CENPC: variants seen among roughly 807,000 people sequenced by gnomAD.
The protein encoded by CENPC is CENP-C 1.
CENPC carries 63 observed loss-of-function variants against 112.1 expected under a neutral mutation model. The observed-to-expected ratio is 0.56, with a 90% CI of 0.46 to 0.69. The LOEUF (loss-of-function observed/expected upper bound fraction) is 0.69. Ranked by LOEUF, CENPC falls within the 30% of genes least tolerant of loss-of-function variation. CENPC has a pLI of 0.00. For synonymous variants in CENPC, 333 were observed against 367.6 expected, an observed-to-expected ratio of 0.91 and a Z score of 1.08; for missense variants, 1,000 against 1,103.8, an observed-to-expected ratio of 0.91 and a Z score of 1.33.
intron 12 of CENPC, among the ~76,000 whole-genome samples, chr4:67,504,621 A>G (rs1363026936): frequency 6.6e-6 from 1 of 152,090 alleles, no homozygotes; most frequent in Non-Finnish European, 1.5e-5. Context: ...GGAGTTTAAG[A>G]CCAGCCTGGC....
At chr4:67,487,554 T>C (rs1050277278) in intron 17 of CENPC, among the ~76,000 whole-genome samples, 15 of 151,728 alleles carry the variant, frequency 9.9e-5, no homozygotes, top group African/African-American at 3.7e-4. Flanking sequence ...AAGGAACTGG[T>C]TCTTTTAAGT....
intron 12 of CENPC, among the ~76,000 whole-genome samples, chr4:67,499,065 G>A (rs939521536): frequency 6.6e-6 from 1 of 152,168 alleles, no homozygotes; most frequent in Non-Finnish European, 1.5e-5. Context: ...TTGTCCATTA[G>A]AGCTGCTGGG....
At chr4:67,473,916 A>G (rs1724736511) in intron 18 of CENPC, among the ~76,000 whole-genome samples, 1 of 152,178 alleles carries the variant, frequency 6.6e-6, no homozygotes, top group African/African-American at 2.4e-5. Flanking sequence ...CCTATTTACA[A>G]TAACTTCTGC....
chr4:67,492,446 C>T (rs1490262667), intron 15 of CENPC, among the ~76,000 whole-genome samples, 171 bp from the exon 16 acceptor site: 7 of 152,082 alleles, frequency 4.6e-5, no homozygotes, highest in Admixed American at 4.6e-4. Context: ...CTTAAAAACC[C>T]ATAATGATTT....
intron 16 of CENPC, among the ~76,000 whole-genome samples, chr4:67,490,786 C>T (rs1725227244): frequency 6.8e-6 from 1 of 146,800 alleles, no homozygotes; most frequent in Admixed American, 6.8e-5. Flanking sequence ...TTCTGTTTCC[C>T]AGGATATTTG....
chr4:67,514,030 T>C, intron 8 of CENPC, 44 bp downstream of exon 8: 2 of 1,478,556 alleles, frequency 1.4e-6, no homozygotes, highest in Non-Finnish European at 8.9e-7. Flanking sequence ...AAACATAAAA[T>C]GGGTAGAATA....
At chr4:67,484,820 G>A (rs563059241) in intron 17 of CENPC, among the ~76,000 whole-genome samples, 2 of 152,098 alleles carry the variant, frequency 1.3e-5, no homozygotes, top group Admixed American at 6.6e-5. Flanking sequence ...CGCACTGGGC[G>A]CAGTGGCTCA....
chr4:67,522,372 T>C (rs1255564000), intron 5 of CENPC, among the ~76,000 whole-genome samples: 2 of 152,168 alleles, frequency 1.3e-5, no homozygotes, highest in African/African-American at 4.8e-5. Context: ...GATTCTTCCA[T>C]GAAGTCTGAG....
In CENPC at chr4:67,508,791, A is replaced by C. The variant is rs1299761096; in HGVS notation, c.1904+23T>G. 3.1e-6 allele frequency: 5 copies of C among 1,601,670 alleles called. No individual in the cohort carries two copies. In the African/African-American group the frequency reaches 5.4e-5, roughly 17 times the overall value. ...AATGCTGAACAACAAAAGTAACTAT[A>C]TTGTACACATAACAGACATTACCTA... On this transcript the variant is annotated intron_variant, in intron 10 of 18. Transcript: ENST00000273853.
chr4:67,508,832 T>G lies in CENPC; in HGVS notation c.1886A>C (p.Lys629Thr), dbSNP rs1725807953. ...ACATTACCTAGAACAATCAAGATTT[T>G]TCTTCTTAGCCAAGTCTGCCTCATC... The part of the protein sequence containing the change: ...ESDEADLAKK[K>T]NLDCSRSTRS... The change falls in exon 10 of 19, where the codon AAA becomes ACA. Residue 629 changes from lysine to threonine, a missense_variant. By Grantham distance (78) the Lys-to-Thr change is moderately conservative. Coordinates refer to ENST00000273853, the MANE Select transcript of CENPC (RefSeq NM_001812.4). The G allele has an allele frequency of 6.2e-7, 1 of 1,613,294 alleles. No homozygotes were observed. Among genetic ancestry groups the G allele is most frequent in the African/African-American group, 1.3e-5 (1 of 74,988 alleles).
intron 17 of CENPC, among the ~76,000 whole-genome samples, chr4:67,479,099 G>A (rs956702781): frequency 1.3e-5 from 2 of 151,998 alleles, no homozygotes; most frequent in Non-Finnish European, 2.9e-5. Context: ...TAAGAAACGA[G>A]ATAGACGGCA....
intron 17 of CENPC, among the ~76,000 whole-genome samples, chr4:67,485,512 G>A (rs183671711): frequency 1.8e-4 from 28 of 152,258 alleles, no homozygotes; most frequent in East Asian, 1.2e-3. Context: ...AATTTGGGAC[G>A]TAATTAGGTC....
intron 12 of CENPC, among the ~76,000 whole-genome samples, chr4:67,499,149 G>A (rs2109786167): frequency 6.6e-6 from 1 of 152,304 alleles, no homozygotes; most frequent in East Asian, 1.9e-4. Context: ...AGTAGATTTA[G>A]CATAATTCTT....
intron 2 of CENPC, among the ~76,000 whole-genome samples, chr4:67,542,789 C>T (rs1726923539): frequency 2.6e-5 from 4 of 152,132 alleles, no homozygotes; most frequent in African/African-American, 9.7e-5. Flanking sequence ...CTGGCCTTGA[C>T]ATCACCCCAA....
chr4:67,515,408 G>C (rs1726031445), intron 7 of CENPC, among the ~76,000 whole-genome samples: 1 of 151,730 alleles, frequency 6.6e-6, no homozygotes, highest in Non-Finnish European at 1.5e-5. Flanking sequence ...AGAGGTTGCA[G>C]TGAGCCGAGA....
chr4:67,474,822 C>T, intron 18 of CENPC, 66 bp downstream of exon 18: 1 of 883,954 alleles, frequency 1.1e-6, no homozygotes. Context: ...ACCACTGTGG[C>T]TTCCATTTCC....
chr4:67,532,791 A>T (rs1170001722), intron 4 of CENPC, among the ~76,000 whole-genome samples: 1 of 152,196 alleles, frequency 6.6e-6, no homozygotes, highest in Non-Finnish European at 1.5e-5. Context: ...AGATACACCT[A>T]ATGTAAATGA....
chr4:67,510,702 T>C (rs1173081234), intron 9 of CENPC: 1 of 290,666 alleles, frequency 3.4e-6, no homozygotes, highest in Admixed American at 4.6e-5. Flanking sequence ...AAGTACTCCA[T>C]ATACATTTCT....
At chr4:67,473,678 G>A (rs1363273862) in intron 18 of CENPC, among the ~76,000 whole-genome samples, 4 of 152,004 alleles carry the variant, frequency 2.6e-5, no homozygotes, top group Non-Finnish European at 5.9e-5. Context: ...CCAGCCTCCC[G>A]AGAGCTAGGA....
Sources: allele counts gnomAD v4.1 joint callset (sites outside exome capture counted in the v4.1 genomes callset), GRCh38; gene constraint gnomAD v4.1.1; transcripts MANE v1.5; gene names NCBI Gene and HGNC (gene_info 2026-07-23, HGNC 2026-07-21).